The following KIAA1217 variants were observed in gnomAD, a reference collection of about 807,000 sequenced individuals.
KIAA1217 encodes KIAA1217.
KIAA1217 carries 88 observed loss-of-function variants against 163.9 expected under a neutral mutation model. That is an observed-to-expected ratio of 0.54 (90% CI 0.45 to 0.64). The LOEUF is 0.64. Ranked by LOEUF, KIAA1217 falls within the 30% of genes least tolerant of loss-of-function variation. KIAA1217 has a pLI of 0.00. For synonymous variants in KIAA1217, 903 were observed against 923.1 expected (o/e 0.98, Z 0.39); for missense variants, 2,372 against 2,475.0 (o/e 0.96, Z 0.88).
At chr10:23,949,333 C>T (rs892806355) in intron 1 of KIAA1217, among the ~76,000 whole-genome samples, 27 of 152,066 alleles carry the variant, frequency 1.8e-4, no homozygotes, top group African/African-American at 6.0e-4. Flanking sequence ...ATTTTGTAAG[C>T]CTGATTATTT....
chr10:24,512,558 C>T (rs549941554), intron 9 of KIAA1217, among the ~76,000 whole-genome samples: 1 of 152,282 alleles, frequency 6.6e-6, no homozygotes, highest in East Asian at 1.9e-4. Flanking sequence ...ATACAGGTAG[C>T]CTACCTCCAA....
intron 4 of KIAA1217, among the ~76,000 whole-genome samples, chr10:24,434,807 G>T (rs2059895807): frequency 6.6e-6 from 1 of 152,196 alleles, no homozygotes; most frequent in Non-Finnish European, 1.5e-5. Context: ...GACTAATCCA[G>T]CCATTTCATT....
At position 23,730,152 on chromosome 10, in the gene KIAA1217, C is replaced by T. The variant is rs139754107; in HGVS notation, c.-321+34918C>T. 1.1e-3 allele frequency among the ~76,000 whole-genome samples: 169 copies of T among 152,288 alleles called. 1 individual carries two copies. The East Asian group carries it at 0.026, about 23-fold the overall frequency. ...TCCTGACCTCGTGATCTGCCCGCCT[C>T]GGCCTCCCAAAGTGCTGGGATTACA... On this transcript the variant is annotated intron_variant, in intron 1 of 18. Transcript: ENST00000376462.
intron 2 of KIAA1217, among the ~76,000 whole-genome samples, chr10:24,378,662 A>T (rs1336026092): frequency 6.6e-6 from 1 of 151,572 alleles, no homozygotes; most frequent in Non-Finnish European, 1.5e-5. Context: ...ATATCAGATC[A>T]CAGGGTATCT....
At chr10:24,043,321 T>C (rs10828591) in intron 2 of KIAA1217, among the ~76,000 whole-genome samples, 13,178 of 152,206 alleles carry the variant, frequency 0.087, 814 homozygotes, top group African/African-American at 0.17. Context: ...GTTTTAATAT[T>C]CTCATTCTTA....
At chr10:24,533,273 C>T in intron 16 of KIAA1217, 36 bp downstream of exon 16, 7 of 1,571,882 alleles carry the variant, frequency 4.5e-6, no homozygotes, top group Non-Finnish European at 6.1e-6. Context: ...GGCTCCTTGC[C>T]TCCCGCCTGG....
chr10:24,283,567 C>T (rs694084), intron 2 of KIAA1217, among the ~76,000 whole-genome samples: 75,474 of 151,868 alleles, frequency 0.5, 19,597 homozygotes, highest in African/African-American at 0.59. Flanking sequence ...CTCAGGAGGC[C>T]GAGCATGAGA....
intron 2 of KIAA1217, among the ~76,000 whole-genome samples, chr10:24,181,302 A>G (rs1424031736): frequency 6.6e-6 from 1 of 152,208 alleles, no homozygotes; most frequent in Non-Finnish European, 1.5e-5. Context: ...GTTGAGACCT[A>G]AAGAGAAGTA....
chr10:23,922,511 G>A (rs1241736255), intron 1 of KIAA1217, among the ~76,000 whole-genome samples: 1 of 152,186 alleles, frequency 6.6e-6, no homozygotes, highest in African/African-American at 2.4e-5. Flanking sequence ...GGCATCTGAA[G>A]TGGGAACAGT....
chr10:24,126,036 CT>C (rs1195823054), intron 2 of KIAA1217, among the ~76,000 whole-genome samples: 2 of 152,116 alleles, frequency 1.3e-5, no homozygotes, highest in Non-Finnish European at 2.9e-5. Context: ...CTATACTAAT[CT>C]TCATTCCTCC....
At chr10:24,450,783 C>G (rs2061324933) in intron 5 of KIAA1217, among the ~76,000 whole-genome samples, 1 of 152,190 alleles carries the variant, frequency 6.6e-6, no homozygotes, top group Non-Finnish European at 1.5e-5. Context: ...AGATCAAGAT[C>G]ACACACTTGT....
At position 24,433,179 on chromosome 10, in the gene KIAA1217, A is replaced by C; in HGVS notation, c.738A>C (p.Glu246Asp). 6.2e-7 allele frequency: 1 copy of C among 1,613,290 alleles called. No homozygotes were observed. Among genetic ancestry groups the C allele is most frequent in the Non-Finnish European group, 8.5e-7 (1 of 1,179,660 alleles). The change falls in exon 4 of 21, where the codon GAA becomes GAC. Residue 246 changes from glutamate (E) to aspartate (D), a missense_variant. Around this residue, in one of 3 missense-constraint regions of KIAA1217, gnomAD observed 1,431 missense variants for 1,470.3 expected, o/e 0.97. Transcript: ENST00000376454. ...IKDESRNVYY[E>D]LNDVRNIQDR... ...ATGAAAGCAGAAATGTCTATTATGA[A>C]TTAAATGATGTAAGGTAAGTTGTGA...
intron 1 of KIAA1217, among the ~76,000 whole-genome samples, chr10:23,713,090 G>T (rs902772238): frequency 2.0e-5 from 3 of 152,088 alleles, no homozygotes; most frequent in African/African-American, 7.2e-5. Flanking sequence ...CTGGGGAGGA[G>T]TATGTTGTAG....
intron 2 of KIAA1217, among the ~76,000 whole-genome samples, chr10:24,338,320 C>T (rs1193621805): frequency 2.0e-5 from 3 of 152,198 alleles, no homozygotes. Flanking sequence ...GTCTGAAGTG[C>T]AGCTTCTTAA....
chr10:24,543,099 G>C lies in KIAA1217; in HGVS notation c.3829G>C (p.Glu1277Gln). The change falls in exon 19 of 21, where the codon GAA becomes CAA. Residue 1277 changes from glutamate (E) to glutamine (Q), a missense_variant. This residue lies in a region of KIAA1217 where 251 missense variants were observed against 327.3 expected (regional missense o/e 0.77). Transcript: ENST00000376454. ...CGGTTTCTCTGGCATTAGTCCATTA[G>C]AAGATGAAATAAACAAAGGGTCTAA... ...SFGFSGISPLEDEINKGSKIS... is the reference protein window; with the variant it reads ...SFGFSGISPLQDEINKGSKIS... 1 of 1,613,602 alleles carries C rather than the reference G, an allele frequency of 6.2e-7. No individual in the cohort carries two copies. The highest frequency in any genetic ancestry group is 8.5e-7 in the Non-Finnish European group (1 of 1,179,964).
chr10:24,457,253 G>A lies in KIAA1217; in HGVS notation c.847-15975G>A, dbSNP rs182041538. ...TGGGTTGGGCATTGAGGGAAGATAA[G>A]CTACCTTTGGTTCAGCCTGCAGCTT... On this transcript the variant is annotated intron_variant, in intron 5 of 20. Transcript: ENST00000376454. 3.5e-4 allele frequency among the ~76,000 whole-genome samples: 53 copies of A among 152,220 alleles called. 1 individual carries two copies. The highest frequency in any genetic ancestry group is 1.2e-3 in the African/African-American group (51 of 41,528).
chr10:24,096,723 C>T (rs1254999952), intron 2 of KIAA1217, among the ~76,000 whole-genome samples: 1 of 152,106 alleles, frequency 6.6e-6, no homozygotes, highest in Non-Finnish European at 1.5e-5. Context: ...TCATTATTCA[C>T]CCTCAGGCCT....
In KIAA1217 at chr10:24,544,143, A is replaced by G. The variant is rs2075427610; in HGVS notation, c.4873A>G (p.Ile1625Val). 5 of 1,614,016 alleles carry G rather than the reference A, an allele frequency of 3.1e-6. No individual in the cohort carries two copies. Among genetic ancestry groups the G allele is most frequent in the Non-Finnish European group, 3.4e-6 (4 of 1,180,048 alleles). ...GCACAAAGAAGCCAAGCGCTTCGAA[A>G]TCGCTAGGTCTCAACCTGAAGACAC... ...KQHKEAKRFE[I>V]ARSQPEDTPE... is the part of the protein sequence containing the mutation. Residue 1625 changes from isoleucine (I) to valine (V), a missense_variant, in exon 19 of 21, where the codon ATC becomes GTC. Around this residue, in one of 3 missense-constraint regions of KIAA1217, gnomAD observed 690 missense variants for 677.5 expected, o/e 1.02. Transcript: ENST00000376454.
At chr10:24,314,595 T>C (rs16924564) in intron 2 of KIAA1217, among the ~76,000 whole-genome samples, 5,846 of 152,270 alleles carry the variant, frequency 0.038, 405 homozygotes, top group African/African-American at 0.13. Flanking sequence ...CTAATTTCCA[T>C]GGTTGTTGAT....
Sources: gnomAD v4.1 joint callset for allele counts (sites outside exome capture counted in the v4.1 genomes callset) on GRCh38, gnomAD v4.1.1 for gene constraint, gnomAD v4.1.1 regional missense constraint, MANE v1.5 for transcripts, NCBI Gene and HGNC (gene_info 2026-07-23, HGNC 2026-07-21) for gene names.